The following MAF variants were observed in gnomAD, a reference collection of about 807,000 sequenced individuals.
MAF encodes transcription factor Maf.
A neutral mutation model predicts 22.0 loss-of-function variants in MAF; 10 were observed. That is an observed-to-expected ratio of 0.45 (90% CI 0.28 to 0.77). The LOEUF (loss-of-function observed/expected upper bound fraction) is 0.77. Among genes scored for constraint, MAF ranks in the 30% least tolerant of loss-of-function variants. The pLI is 0.12. For missense variants in MAF, 544 were observed against 548.4 expected (o/e 0.99, Z 0.08); for synonymous variants, 337 against 255.8 (o/e 1.32, Z -3.03).
chr16:79,471,799 C>T, the MAF span, among the ~76,000 whole-genome samples: 1 of 152,182 alleles, frequency 6.6e-6, no homozygotes. Flanking sequence ...TATAGGTAAT[C>T]CAATTTCTTC....
chr16:79,479,922 C>T, the MAF span, among the ~76,000 whole-genome samples: 1 of 152,142 alleles, frequency 6.6e-6, no homozygotes, highest in South Asian at 2.1e-4. Flanking sequence ...CCCAAGTGTC[C>T]ACAGTCCTAC....
the MAF span, among the ~76,000 whole-genome samples, chr16:79,338,675 G>C: frequency 2.0e-5 from 3 of 152,154 alleles, no homozygotes; most frequent in Non-Finnish European, 4.4e-5. Flanking sequence ...AGATGGACAG[G>C]AGGGAGAAAA....
the MAF span, among the ~76,000 whole-genome samples, chr16:79,444,087 T>A: frequency 6.6e-6 from 1 of 152,076 alleles, no homozygotes; most frequent in Admixed American, 6.6e-5. Flanking sequence ...AGATAGTTAA[T>A]AGGTAATTAT....
At chr16:79,270,425 A>G in the MAF span, among the ~76,000 whole-genome samples, 2 of 152,120 alleles carry the variant, frequency 1.3e-5, no homozygotes, top group Admixed American at 1.3e-4. Flanking sequence ...ACAGATGAAA[A>G]GCTAGGAATC....
the MAF span, among the ~76,000 whole-genome samples, chr16:79,228,713 T>C: frequency 6.6e-6 from 1 of 152,012 alleles, no homozygotes; most frequent in African/African-American, 2.4e-5. Context: ...AAAATTCAGA[T>C]GTTTCTCCTC....
At chr16:79,261,490 G>A in the MAF span, among the ~76,000 whole-genome samples, 1 of 152,160 alleles carries the variant, frequency 6.6e-6, no homozygotes, top group Non-Finnish European at 1.5e-5. Flanking sequence ...GCTTCTACAT[G>A]GTAGCTACTC....
At chr16:79,584,522 G>A (rs1373170760), downstream of MAF, among the ~76,000 whole-genome samples, 1 of 152,102 alleles carries the variant, frequency 6.6e-6, no homozygotes, top group Non-Finnish European at 1.5e-5. Context: ...ATATTACCAG[G>A]GGGTAAGGAC....
chr16:79,450,577 G>A, the MAF span, among the ~76,000 whole-genome samples: 3 of 152,286 alleles, frequency 2.0e-5, no homozygotes, highest in African/African-American at 4.8e-5. Context: ...AGAAGATATT[G>A]TATTGTGATT....
chr16:79,246,459 T>C, the MAF span, among the ~76,000 whole-genome samples: 4 of 145,032 alleles, frequency 2.8e-5, no homozygotes, highest in Non-Finnish European at 1.5e-5. Context: ...CCCCCTCACA[T>C]AGACACCCAT....
the MAF span, among the ~76,000 whole-genome samples, chr16:79,483,977 G>C: frequency 1.8e-4 from 28 of 152,302 alleles, no homozygotes; most frequent in African/African-American, 5.5e-4. Flanking sequence ...ACCAGTGGTG[G>C]TAGGGATGGA....
chr16:79,319,534 A>AT, the MAF span, among the ~76,000 whole-genome samples: 2 of 152,128 alleles, frequency 1.3e-5, no homozygotes, highest in Non-Finnish European at 2.9e-5. Flanking sequence ...GAAATAGAAA[A>AT]TTTGGGCTGT....
chr16:79,575,889 C>G, the MAF span, among the ~76,000 whole-genome samples: 1 of 152,110 alleles, frequency 6.6e-6, no homozygotes, highest in Non-Finnish European at 1.5e-5. Flanking sequence ...TTGGAAGGCT[C>G]ATTCCATCAC....
chr16:79,507,864 T>G, the MAF span, among the ~76,000 whole-genome samples: 1 of 152,202 alleles, frequency 6.6e-6, no homozygotes. Context: ...GGAGTTTGTA[T>G]GCATCCATTA....
chr16:79,404,779 C>T, the MAF span, among the ~76,000 whole-genome samples: 1 of 152,124 alleles, frequency 6.6e-6, no homozygotes, highest in African/African-American at 2.4e-5. Context: ...GGCGTGTAAA[C>T]TCAGCTTCCT....
At chr16:79,453,906 G>A in the MAF span, among the ~76,000 whole-genome samples, 1 of 152,134 alleles carries the variant, frequency 6.6e-6, no homozygotes, top group African/African-American at 2.4e-5. Flanking sequence ...TGAATCCAGA[G>A]TGAAAATACT....
chr16:79,258,836 TTCTGG>T, the MAF span, among the ~76,000 whole-genome samples: 1 of 152,170 alleles, frequency 6.6e-6, no homozygotes, highest in Non-Finnish European at 1.5e-5. Flanking sequence ...CTCTCTGCAC[TTCTGG>T]TTCTCATCCA....
the MAF span, among the ~76,000 whole-genome samples, chr16:79,319,729 C>A: frequency 3.3e-5 from 5 of 152,150 alleles, no homozygotes; most frequent in Non-Finnish European, 2.9e-5. Flanking sequence ...GTGCTAAGGA[C>A]CATTTGTGGG....
the MAF span, among the ~76,000 whole-genome samples, chr16:79,564,715 G>C: frequency 6.6e-6 from 1 of 152,190 alleles, no homozygotes; most frequent in African/African-American, 2.4e-5. Flanking sequence ...TGGCTGTGGG[G>C]AAATCTGGCA....
chr16:79,427,322 T>G, the MAF span, among the ~76,000 whole-genome samples: 1 of 152,182 alleles, frequency 6.6e-6, no homozygotes, highest in Non-Finnish European at 1.5e-5. Context: ...CAAGGGCACT[T>G]TGCTTGTCCA....
Sources: gnomAD v4.1 joint callset for allele counts (sites outside exome capture counted in the v4.1 genomes callset) on GRCh38, gnomAD v4.1.1 for gene constraint, MANE v1.5 for transcripts, NCBI Gene and HGNC (gene_info 2026-07-23, HGNC 2026-07-21) for gene names.